PRKCB: variants seen among roughly 807,000 people sequenced by gnomAD.
PRKCB encodes protein kinase C beta.
In PRKCB, 13 loss-of-function variants were observed where a neutral mutation model predicts 81.5. The observed-to-expected ratio is 0.16, with a 90% CI of 0.10 to 0.25. The LOEUF (loss-of-function observed/expected upper bound fraction) is 0.25, where lower values mean the gene tolerates loss of function less well. Among genes scored for constraint, PRKCB ranks in the 10% least tolerant of loss-of-function variants. The probability of loss-of-function intolerance (pLI) is 1.00; values close to 1 mark genes in which losing one functional copy is unlikely to be tolerated. For missense variants in PRKCB, 509 were observed against 875.7 expected (o/e 0.58, Z 5.29); for synonymous variants, 335 against 321.4 (o/e 1.04, Z -0.45).
intron 2 of PRKCB, among the ~76,000 whole-genome samples, chr16:23,863,265 C>T (rs1962714448): frequency 3.8e-5 from 5 of 132,782 alleles, no homozygotes; most frequent in Admixed American, 3.1e-4. Flanking sequence ...TACACACACA[C>T]ACACACACAC....
chr16:24,217,121 GGAAA>G lies in PRKCB; in HGVS notation c.*2316_*2319del, dbSNP rs539877257. On this transcript the variant is annotated 3_prime_UTR_variant, in exon 17 of 17. Coordinates refer to ENST00000643927, the MANE Select transcript of PRKCB (RefSeq NM_002738.7). The stretch of plus-strand genomic sequence containing the variant: ...GGAAAGAAAGAAGAAAAAGAAAGAA[GGAAA>G]GAAAGAAAGAGAAAGGAAGGAAGGA... 105 of 972,792 alleles carry G rather than the reference GGAAA, an allele frequency of 1.1e-4. No individual in the cohort carries two copies. The highest frequency in any genetic ancestry group is 3.5e-4 in the African/African-American group (19 of 53,756). The allele number at this position is 972,792 out of a possible 1,614,324, so 60.3% of individuals were successfully genotyped here.
intron 16 of PRKCB, among the ~76,000 whole-genome samples, chr16:24,202,725 C>T (rs1055558199): frequency 6.6e-6 from 1 of 152,182 alleles, no homozygotes; most frequent in Admixed American, 6.5e-5. Context: ...TTGCATTATT[C>T]CCCTCTGTCT....
chr16:24,060,960 T>C (rs974303816), intron 5 of PRKCB, among the ~76,000 whole-genome samples: 1 of 152,266 alleles, frequency 6.6e-6, no homozygotes, highest in Non-Finnish European at 1.5e-5. Flanking sequence ...AATGTTTGTA[T>C]CTTTTCTCTA....
intron 3 of PRKCB, among the ~76,000 whole-genome samples, chr16:24,029,895 C>CT (rs1250216119): frequency 2.0e-5 from 3 of 152,048 alleles, no homozygotes; most frequent in Admixed American, 6.6e-5. Context: ...CTGCCATGTA[C>CT]TTTTTTTTCC....
intron 2 of PRKCB, among the ~76,000 whole-genome samples, chr16:23,878,626 C>A (rs1221534917): frequency 6.6e-6 from 1 of 152,188 alleles, no homozygotes; most frequent in Non-Finnish European, 1.5e-5. Flanking sequence ...CACATGTTGG[C>A]TGACTCAAAT....
chr16:24,024,735 C>T (rs1965453426), intron 3 of PRKCB, among the ~76,000 whole-genome samples: 2 of 152,164 alleles, frequency 1.3e-5, no homozygotes, highest in Admixed American at 6.6e-5. Context: ...CCACCTCTGC[C>T]CCAGTCAGCT....
chr16:24,184,004 G>A (rs892065256), intron 13 of PRKCB, among the ~76,000 whole-genome samples: 4 of 152,174 alleles, frequency 2.6e-5, no homozygotes, highest in Non-Finnish European at 5.9e-5. Flanking sequence ...TACTTGGACA[G>A]ATGTCCAAAT....
chr16:24,021,660 G>A (rs12444942), intron 3 of PRKCB, among the ~76,000 whole-genome samples: 10,171 of 152,002 alleles, frequency 0.067, 400 homozygotes, highest in Middle Eastern at 0.092. Flanking sequence ...GTTCCCACTC[G>A]GCTGGCTGCA....
chr16:24,165,327 G>A (rs112570097), intron 10 of PRKCB, among the ~76,000 whole-genome samples: 3,677 of 152,312 alleles, frequency 0.024, 155 homozygotes, highest in African/African-American at 0.083. Flanking sequence ...GCAGGCATGA[G>A]CCCCTGTGCC....
intron 2 of PRKCB, among the ~76,000 whole-genome samples, chr16:23,872,003 A>G (rs1009172294): frequency 1.3e-5 from 2 of 152,198 alleles, no homozygotes; most frequent in African/African-American, 4.8e-5. Context: ...CAGCTCCCAG[A>G]ATGGTGGCTG....
rs151267331 is a variant in PRKCB at position 24,143,321 on chromosome 16, C to T, written c.1066-11363C>T. Among the ~76,000 whole-genome samples the T allele has an allele frequency of 3.0e-3, 456 of 152,008 alleles. 4 individuals carry two copies. Among genetic ancestry groups the T allele is most frequent in the African/African-American group, 0.011 (437 of 41,468 alleles). ...CTAATTTTTGTACTTTTAGTAGAGA[C>T]GGGGTTTCACCATGTTGGCCAGGCT... On this transcript the variant is annotated intron_variant, in intron 9 of 16. Coordinates refer to ENST00000643927, the MANE Select transcript of PRKCB (RefSeq NM_002738.7).
intron 2 of PRKCB, among the ~76,000 whole-genome samples, chr16:23,866,674 AGTGTTTCTC>A (rs1962795543): frequency 6.6e-6 from 1 of 152,178 alleles, no homozygotes; most frequent in African/African-American, 2.4e-5. Flanking sequence ...TCAATATGCA[AGTGTTTCTC>A]GTGTTCCTCG....
chr16:23,894,288 CA>C (rs1275938238), intron 2 of PRKCB, among the ~76,000 whole-genome samples: 1 of 152,150 alleles, frequency 6.6e-6, no homozygotes, highest in Non-Finnish European at 1.5e-5. Context: ...AAGACATTAC[CA>C]AAGGCATGGC....
chr16:23,875,860 A>G (rs1004291584), intron 2 of PRKCB, among the ~76,000 whole-genome samples: 2 of 152,164 alleles, frequency 1.3e-5, no homozygotes, highest in African/African-American at 4.8e-5. Context: ...TTTCATAACG[A>G]AATACCAGTA....
intron 5 of PRKCB, among the ~76,000 whole-genome samples, chr16:24,055,353 A>AAGC (rs1965891550): frequency 6.6e-6 from 1 of 152,190 alleles, no homozygotes; most frequent in African/African-American, 2.4e-5. Flanking sequence ...GGGTTCTGAG[A>AAGC]AGCACTAGGG....
chr16:23,900,340 G>A (rs1298553861), intron 2 of PRKCB, among the ~76,000 whole-genome samples: 1 of 152,200 alleles, frequency 6.6e-6, no homozygotes, highest in Non-Finnish European at 1.5e-5. Flanking sequence ...GCATGAATGT[G>A]TAGATATAAA....
chr16:24,155,092 T>A (rs1404000748), intron 10 of PRKCB, among the ~76,000 whole-genome samples: 1 of 152,232 alleles, frequency 6.6e-6, no homozygotes, highest in East Asian at 1.9e-4. Flanking sequence ...ACTGGTTTTA[T>A]AATTAACAGA....
In PRKCB at chr16:24,115,161, C is replaced by T. The variant is rs527394654; in HGVS notation, c.918+2092C>T. ...AGGCTGAGGAAGTAGGCATGAGTCA[C>T]AGTACGTAGGGCTGTGCTGGCCTTG... On this transcript the variant is annotated intron_variant, in intron 8 of 16. Coordinates refer to ENST00000643927, the MANE Select transcript of PRKCB (RefSeq NM_002738.7). Among the ~76,000 whole-genome samples, 3 of 152,292 alleles carry T rather than the reference C, an allele frequency of 2.0e-5. No individual in the cohort carries two copies. In the South Asian group the frequency reaches 6.2e-4, roughly 32 times the overall value.
chr16:23,947,650 A>G (rs7196543), intron 2 of PRKCB, among the ~76,000 whole-genome samples: 54,077 of 151,912 alleles, frequency 0.36, 9,884 homozygotes, highest in South Asian at 0.52. Context: ...AGATGCATAT[A>G]GTCAGGACAA....
Sources: allele counts gnomAD v4.1 joint callset (sites outside exome capture counted in the v4.1 genomes callset), GRCh38; gene constraint gnomAD v4.1.1; transcripts MANE v1.5; gene names NCBI Gene and HGNC (gene_info 2026-07-23, HGNC 2026-07-21).